GSTT4: variants seen among roughly 807,000 people sequenced by gnomAD.
GSTT4 encodes the protein glutathione S-transferase theta 4, also known as glutathione S-transferase theta-4.
intron 1 of GSTT4, chr22:24,004,331 G>A (rs1240375955): frequency 6.5e-6 from 1 of 152,724 alleles, no homozygotes; most frequent in African/African-American, 2.4e-5. Flanking sequence ...ACCTGAGGTG[G>A]GGGCAGGAAC....
intron 2 of GSTT4, among the ~76,000 whole-genome samples, chr22:24,003,361 C>T (rs1490045910): frequency 1.3e-5 from 2 of 152,254 alleles, no homozygotes; most frequent in Non-Finnish European, 2.9e-5. Flanking sequence ...CAGGTGCAGA[C>T]CACCATGCTG....
chr22:24,001,636 G>A (rs2034232994), intron 2 of GSTT4, among the ~76,000 whole-genome samples: 1 of 152,264 alleles, frequency 6.6e-6, no homozygotes, highest in East Asian at 1.9e-4. Context: ...GGGCTACTGT[G>A]AGCCAAGATC....
intron 2 of GSTT4, among the ~76,000 whole-genome samples, chr22:24,002,931 T>G (rs558137519): frequency 1.3e-5 from 2 of 152,332 alleles, no homozygotes; most frequent in South Asian, 4.1e-4. Context: ...GAGCCACATA[T>G]TAGATGAAAT....
the GSTT4 span, among the ~76,000 whole-genome samples, chr22:23,991,754 A>C: frequency 4.3e-4 from 61 of 142,044 alleles, no homozygotes; most frequent in Non-Finnish European, 7.0e-4. Flanking sequence ...TATATTTCCC[A>C]CTAAAAGGGA....
chr22:23,989,591 G>T, the GSTT4 span, among the ~76,000 whole-genome samples: 1 of 148,282 alleles, frequency 6.7e-6, no homozygotes, highest in Admixed American at 6.9e-5. Flanking sequence ...TGGGTGACCT[G>T]TCAATACCCC....
intron 2 of GSTT4, among the ~76,000 whole-genome samples, chr22:24,003,088 G>C (rs898025719): frequency 1.3e-5 from 2 of 152,220 alleles, no homozygotes; most frequent in African/African-American, 4.8e-5. Flanking sequence ...TCCCGTGTCA[G>C]CCTCTGGAAG....
downstream of GSTT4, among the ~76,000 whole-genome samples, chr22:23,995,137 G>GT (rs112406222): frequency 7.8e-5 from 10 of 127,588 alleles, 1 homozygote; most frequent in Admixed American, 2.3e-4. Context: ...TTTTTTGTTT[G>GT]TTTGTTTTTT....
chr22:23,995,112 C>T (rs538795639), downstream of GSTT4, among the ~76,000 whole-genome samples: 6 of 152,144 alleles, frequency 3.9e-5, no homozygotes, highest in Non-Finnish European at 7.3e-5. Context: ...GGCGTAGTCC[C>T]TCAAGACAAG....
At chr22:23,993,581 C>G (rs150964190), downstream of GSTT4, among the ~76,000 whole-genome samples, 449 of 152,338 alleles carry the variant, frequency 2.9e-3, 6 homozygotes, top group East Asian at 0.031. Context: ...TCCTCACAGA[C>G]TGCAAGGTAT....
downstream of GSTT4, among the ~76,000 whole-genome samples, chr22:23,994,442 C>G (rs1276651664): frequency 6.6e-6 from 1 of 151,482 alleles, no homozygotes; most frequent in South Asian, 2.1e-4. Flanking sequence ...CCCTGGTTAC[C>G]ATTCATCTAC....
intron 4 of GSTT4, 104 bp from the exon 5 acceptor site, chr22:23,998,843 A>G (rs2034164119): frequency 6.5e-6 from 1 of 153,728 alleles, no homozygotes; most frequent in Non-Finnish European, 1.5e-5. Flanking sequence ...ACCTATGCAA[A>G]GAATTAGGCT....
At chr22:23,995,252 C>T (rs1454609257), downstream of GSTT4, among the ~76,000 whole-genome samples, 1 of 152,054 alleles carries the variant, frequency 6.6e-6, no homozygotes, top group Non-Finnish European at 1.5e-5. Flanking sequence ...CCTGCCTCAG[C>T]CTCCTGAGTA....
chr22:23,994,963 T>C (rs1421282785), downstream of GSTT4, among the ~76,000 whole-genome samples: 1 of 152,124 alleles, frequency 6.6e-6, no homozygotes, highest in Admixed American at 6.5e-5. Context: ...AGATGTAAAA[T>C]TGCATGTTAG....
chr22:23,993,792 A>C (rs2034090091), downstream of GSTT4, among the ~76,000 whole-genome samples: 1 of 152,178 alleles, frequency 6.6e-6, no homozygotes, highest in South Asian at 2.1e-4. Flanking sequence ...CGATCACGTG[A>C]TATACAACAT....
chr22:23,995,423 A>G (rs1261070585), downstream of GSTT4, among the ~76,000 whole-genome samples: 1 of 102,132 alleles, frequency 9.8e-6, no homozygotes, highest in Non-Finnish European at 2.2e-5. Context: ...TACACATTTA[A>G]TGCTACCTAA....
At chr22:24,002,274 A>C (rs140296) in intron 2 of GSTT4, among the ~76,000 whole-genome samples, 1 of 151,862 alleles carries the variant, frequency 6.6e-6, no homozygotes, top group African/African-American at 2.4e-5. Flanking sequence ...AGAATGGACA[A>C]TGAGGGGGCC....
At chr22:23,991,972 GA>G in the GSTT4 span, among the ~76,000 whole-genome samples, 7 of 144,332 alleles carry the variant, frequency 4.8e-5, no homozygotes, top group Non-Finnish European at 1.1e-4. Flanking sequence ...AGAATGGCGT[GA>G]ACCCGGGAGG....
At chr22:23,993,698 G>C (rs2034089209), downstream of GSTT4, among the ~76,000 whole-genome samples, 1 of 152,138 alleles carries the variant, frequency 6.6e-6, no homozygotes, top group Non-Finnish European at 1.5e-5. Flanking sequence ...CCAAAGGCCT[G>C]ATTCTCTAGA....
rs894720037 is a variant in GSTT4 at position 24,003,771 on chromosome 22, G to A, written c.189C>T (p.Ile63=). The A allele has an allele frequency of 6.4e-6, 1 of 155,680 alleles. No homozygotes were observed. The highest frequency in any genetic ancestry group is 2.4e-5 in the African/African-American group (1 of 41,558). The allele number at this position is 155,680 out of a possible 1,614,324, so 9.6% of individuals were successfully genotyped here. A position where few individuals can be genotyped will look rare whatever the true frequency, so the allele number is the denominator to read the frequency against. ...KLPSLKDGKF[I]LSESAAILYY... ...CAGGGAAGACTTACCTTTCACTTAA[G>A]ATAAATTTCCCATCTTTGAGGCTGG... The change falls in exon 2 of 5, where the codon ATC becomes ATT. Residue 63 remains isoleucine, a synonymous_variant. Coordinates refer to ENST00000621179, the MANE Select transcript of GSTT4 (RefSeq NM_001358664.2).
Sources: gnomAD v4.1 joint callset for allele counts (sites outside exome capture counted in the v4.1 genomes callset) on GRCh38, gnomAD v4.1.1 for gene constraint, MANE v1.5 for transcripts, NCBI Gene and HGNC (gene_info 2026-07-23, HGNC 2026-07-21) for gene names.